Variants in MMEL1 observed in about 807,000 individuals in gnomAD.
The protein encoded by MMEL1 is membrane metallo-endopeptidase-like 1.
Under a neutral mutation model 117.1 loss-of-function variants are expected in MMEL1, and 98 were observed. The ratio of observed to expected loss-of-function variants is 0.84; its 90% CI spans 0.71 to 0.99. The LOEUF (loss-of-function observed/expected upper bound fraction) is 0.99, where lower values mean the gene tolerates loss of function less well. Ranked by LOEUF, MMEL1 falls within the 50% of genes least tolerant of loss-of-function variation. MMEL1 has a pLI of 0.00. For synonymous variants in MMEL1, 390 were observed against 415.1 expected (o/e 0.94, Z 0.74); for missense variants, 1,014 against 1,049.1 (o/e 0.97, Z 0.46).
Position 2,606,354 on chromosome 1 carries a change from T to G in MMEL1, c.644A>C (p.Glu215Ala). 1 of 1,611,722 alleles carries G rather than the reference T, an allele frequency of 6.2e-7. No individual in the cohort carries two copies. The highest frequency in any genetic ancestry group is 1.3e-5 in the African/African-American group (1 of 75,034). The change falls in exon 8 of 24, where the codon GAG becomes GCG. Residue 215 changes from glutamate (E) to alanine (A), a missense_variant. Glu to Ala is a moderately radical substitution (Grantham distance 107). Coordinates refer to ENST00000378412, the MANE Select transcript of MMEL1 (RefSeq NM_033467.4). ...CATCAGCGCCAGCTGCCGCTCCAGC[T>G]CCCACTCGAGTCCTGGGGAGACAGT... ...RWNETVGLEW[E>A]LERQLALMNS...
rs199858622 is a variant in MMEL1, at chr1:2,598,253, C to T, written c.1226G>A (p.Gly409Asp). The change falls in exon 13 of 24, where the codon GGT becomes GAT. Residue 409 changes from glycine to aspartate, a missense_variant. Physicochemically the swap from Gly to Asp is moderately conservative, Grantham distance 94. Coordinates refer to ENST00000378412, the MANE Select transcript of MMEL1 (RefSeq NM_033467.4). The part of the protein sequence containing the change: ...LVWRLVLDRI[G>D]SLSQRFKDTR... ...GTCCTTGAATCTCTGGCTTAGGCTA[C>T]CAATGCGGTCCAGCACCAGGCGCCA... 1.3e-4 allele frequency: 207 copies of T among 1,613,988 alleles called. No individual in the cohort carries two copies. The highest frequency in any genetic ancestry group is 1.7e-4 in the Non-Finnish European group (201 of 1,180,022).
Position 2,596,082 on chromosome 1 carries a change from C to A in MMEL1, c.1427G>T (p.Arg476Leu). The A allele has an allele frequency of 2.5e-6, 4 of 1,614,030 alleles. 1 individual carries two copies. Among genetic ancestry groups the A allele is most frequent in the Non-Finnish European group, 3.4e-6 (4 of 1,179,944 alleles). Reference sequence around the variant, plus strand: ...GTCCAGCGTCTCCACAAACACTGTCCGCACCTTGTCAATGAGTTCTCTGAC... The same window carrying A: ...GTCCAGCGTCTCCACAAACACTGTCAGCACCTTGTCAATGAGTTCTCTGAC... ...SMVRELIDKV[R>L]TVFVETLDEL... Residue 476 changes from arginine (R) to leucine (L), a missense_variant, in exon 15 of 24, where the codon CGG (arginine) becomes CTG (leucine). Transcript: ENST00000378412.
At chr1:2,609,860 A>G in intron 4 of MMEL1, 29 bp from the exon 5 acceptor site, 1 of 1,583,780 alleles carries the variant, frequency 6.3e-7, no homozygotes, top group South Asian at 1.2e-5. Context: ...TGGAGCAGGG[A>G]GAGGGGAGAC....
chr1:2,597,338 C>G (rs1051466714), intron 13 of MMEL1, among the ~76,000 whole-genome samples: 2 of 152,040 alleles, frequency 1.3e-5, no homozygotes, highest in Non-Finnish European at 2.9e-5. Flanking sequence ...CCTACCCCCC[C>G]ATGGCAACAG....
Position 2,591,591 on chromosome 1 carries a change from T to C in MMEL1, c.2206A>G (p.Ile736Val). The C allele has an allele frequency of 6.2e-7, 1 of 1,608,638 alleles. No individual in the cohort carries two copies. The highest frequency in any genetic ancestry group is 8.5e-7 in the Non-Finnish European group (1 of 1,179,104). ...AGGGGACTGTGGACGTCTGTCTTGATGGATTGGATGGCGAACTCGGGCCGG... is the reference window on the plus strand; with the variant it reads ...AGGGGACTGTGGACGTCTGTCTTGACGGATTGGATGGCGAACTCGGGCCGG... ...SYRPEFAIQS[I>V]KTDVHSPLKY... The change falls in exon 23 of 24, where the codon ATC becomes GTC. Residue 736 changes from isoleucine to valine, a missense_variant. Ile to Val is a conservative substitution (Grantham distance 29). Transcript: ENST00000378412.
intron 6 of MMEL1, among the ~76,000 whole-genome samples, chr1:2,607,702 G>A (rs1392879813): frequency 6.6e-6 from 1 of 152,162 alleles, no homozygotes; most frequent in Non-Finnish European, 1.5e-5. Context: ...TCAAAGGCCT[G>A]CAGGGAGCAG....
rs545753002 is a variant in MMEL1 at position 2,605,360 on chromosome 1, T to C, written c.816+198A>G. 1.6e-3 allele frequency among the ~76,000 whole-genome samples: 250 copies of C among 152,158 alleles called. 1 individual carries two copies. Among genetic ancestry groups the C allele is most frequent in the African/African-American group, 5.7e-3 (238 of 41,506 alleles). On this transcript the variant is annotated intron_variant, in intron 9 of 23. Transcript: ENST00000378412. Reference sequence around the variant, plus strand: ...TTGTCCCCAGGCCTGGCCCGGGTGTTGAGGGAACGTCCCCCAGGATGGTGG... The same window carrying C: ...TTGTCCCCAGGCCTGGCCCGGGTGTCGAGGGAACGTCCCCCAGGATGGTGG...
intron 2 of MMEL1, among the ~76,000 whole-genome samples, chr1:2,616,721 C>G (rs978170905): frequency 8.5e-5 from 13 of 152,202 alleles, no homozygotes; most frequent in African/African-American, 3.1e-4. Flanking sequence ...GACGGGAGAC[C>G]TGGACCCAAA....
chr1:2,626,071 A>T (rs1445066014), intron 2 of MMEL1, among the ~76,000 whole-genome samples: 7 of 152,208 alleles, frequency 4.6e-5, no homozygotes, highest in Non-Finnish European at 8.8e-5. Flanking sequence ...AAATCTTCCC[A>T]GTGGGCAGAA....
chr1:2,629,425 C>CT lies in MMEL1; in HGVS notation c.59dup (p.Arg21AlafsTer40), dbSNP rs763457270. ...GCCCCCCCTCCAGGAACCCCGGGCG[C>CT]TTCTGCCCTGCACGGCCGGCGCTCT... is the stretch of plus-strand genomic sequence containing the variant. On this transcript the variant is annotated frameshift_variant, in exon 2 of 24. Coordinates refer to ENST00000378412, the MANE Select transcript of MMEL1 (RefSeq NM_033467.4). LOFTEE classifies it high-confidence loss of function. 1 of 1,545,624 alleles carries CT rather than the reference C, an allele frequency of 6.5e-7. No homozygotes were observed. Among genetic ancestry groups the CT allele is most frequent in the Admixed American group, 2.0e-5 (1 of 50,940 alleles).
chr1:2,607,295 C>T (rs200741244), intron 6 of MMEL1, among the ~76,000 whole-genome samples: 1 of 152,188 alleles, frequency 6.6e-6, no homozygotes, highest in Non-Finnish European at 1.5e-5. Flanking sequence ...AGACTGGACA[C>T]GGGCGTGAAA....
At chr1:2,601,855 C>G (rs1303637088) in intron 11 of MMEL1, among the ~76,000 whole-genome samples, 1 of 152,266 alleles carries the variant, frequency 6.6e-6, no homozygotes, top group Non-Finnish European at 1.5e-5. Flanking sequence ...TGAAACCCCA[C>G]TACACAGGTG....
chr1:2,593,449 C>T (rs1201885082), intron 19 of MMEL1, among the ~76,000 whole-genome samples: 1 of 152,210 alleles, frequency 6.6e-6, no homozygotes, highest in African/African-American at 2.4e-5. Flanking sequence ...TAGCACACCC[C>T]CCGGTGGAGG....
intron 2 of MMEL1, among the ~76,000 whole-genome samples, chr1:2,618,442 C>A (rs555816203): frequency 1.9e-4 from 29 of 152,360 alleles, no homozygotes; most frequent in Middle Eastern, 3.4e-3. Flanking sequence ...TTTAGAGCAA[C>A]ACAAATGGAC....
At chr1:2,611,256 T>G (rs369040365) in intron 4 of MMEL1, 25 bp downstream of exon 4, 6 of 1,567,386 alleles carry the variant, frequency 3.8e-6, no homozygotes, top group Non-Finnish European at 4.3e-6. Context: ...GGGCAGGCTG[T>G]GGACGGCAAG....
At chr1:2,610,698 G>A (rs1457258442) in intron 4 of MMEL1, among the ~76,000 whole-genome samples, 4 of 152,150 alleles carry the variant, frequency 2.6e-5, no homozygotes, top group Non-Finnish European at 5.9e-5. Context: ...CCCACTGAAC[G>A]CTTTCAACTG....
In MMEL1 at chr1:2,606,160, G is replaced by T; in HGVS notation, c.750+88C>A. On this transcript the variant is annotated intron_variant, in intron 8 of 23. Coordinates refer to ENST00000378412, the MANE Select transcript of MMEL1 (RefSeq NM_033467.4). ...CCAGGAGACCCCGGAGCTCCCTGTC[G>T]GCCTGGCCCATCCTTCTGCTGTGCT... 3.8e-6 allele frequency: 4 copies of T among 1,061,752 alleles called. No homozygotes were observed. In the South Asian group the frequency reaches 5.1e-5, roughly 14 times the overall value. 65.8% of individuals were successfully genotyped at this position (1,061,752 alleles called of 1,614,324 possible). A position where few individuals can be genotyped will look rare whatever the true frequency, so the allele number is the denominator to read the frequency against.
At chr1:2,625,756 A>G (rs1420994405) in intron 2 of MMEL1, among the ~76,000 whole-genome samples, 1 of 152,186 alleles carries the variant, frequency 6.6e-6, no homozygotes, top group East Asian at 1.9e-4. Context: ...GCACAGCGGC[A>G]TTCCATCATC....
chr1:2,592,751 CCG>C, intron 20 of MMEL1, 31 bp from the exon 21 acceptor site: 1 of 1,610,260 alleles, frequency 6.2e-7, no homozygotes, highest in South Asian at 1.1e-5. Context: ...TGGGGCAGCC[CCG>C]GCCCTGACTT....
Sources: allele counts gnomAD v4.1 joint callset (sites outside exome capture counted in the v4.1 genomes callset), GRCh38; gene constraint gnomAD v4.1.1; transcripts MANE v1.5; gene names NCBI Gene and HGNC (gene_info 2026-07-23, HGNC 2026-07-21).